The following DOCK4 variants were observed in gnomAD, a reference collection of about 807,000 sequenced individuals.
DOCK4 encodes the protein dedicator of cytokinesis 4.
In DOCK4, 97 loss-of-function variants were observed where a neutral mutation model predicts 268.1. The observed-to-expected ratio is 0.36, with a 90% CI of 0.31 to 0.43. DOCK4 has a LOEUF of 0.43. Ranked by LOEUF, DOCK4 falls within the 20% of genes least tolerant of loss-of-function variation. The pLI, the probability that DOCK4 is intolerant of heterozygous loss-of-function variation, is 1.00. For missense variants in DOCK4, 2,145 were observed against 2,455.7 expected, an observed-to-expected ratio of 0.87 and a Z score of 2.67; for synonymous variants, 954 against 887.2, an observed-to-expected ratio of 1.08 and a Z score of -1.34.
chr7:112,010,812 C>T (rs1220843927), intron 1 of DOCK4, among the ~76,000 whole-genome samples: 1 of 152,204 alleles, frequency 6.6e-6, no homozygotes, highest in Admixed American at 6.5e-5. Context: ...ATGAAAGGTA[C>T]GTAATTGTTT....
intron 1 of DOCK4, among the ~76,000 whole-genome samples, chr7:112,170,371 G>T (rs1014509761): frequency 6.6e-6 from 1 of 152,040 alleles, no homozygotes; most frequent in Non-Finnish European, 1.5e-5. Flanking sequence ...TGAGGTGGAA[G>T]GATCACTTGA....
intron 1 of DOCK4, among the ~76,000 whole-genome samples, chr7:112,137,249 T>C (rs1345057960): frequency 2.0e-5 from 3 of 152,204 alleles, no homozygotes; most frequent in Non-Finnish European, 2.9e-5. Flanking sequence ...TATTTCACCT[T>C]CTACTCAATT....
chr7:111,750,641 C>CA, intron 42 of DOCK4, among the ~76,000 whole-genome samples: 1 of 152,262 alleles, frequency 6.6e-6, no homozygotes, highest in South Asian at 2.1e-4. Flanking sequence ...TTTATCTGAG[C>CA]ATCCTGCCTG....
chr7:111,870,434 T>C (rs1275093400), intron 20 of DOCK4, among the ~76,000 whole-genome samples: 1 of 151,442 alleles, frequency 6.6e-6, no homozygotes, highest in African/African-American at 2.4e-5. Context: ...CAGATTCTTC[T>C]GCCTCAGCCT....
intron 49 of DOCK4, among the ~76,000 whole-genome samples, chr7:111,738,843 C>T (rs1260905731): frequency 1.3e-5 from 2 of 151,900 alleles, no homozygotes; most frequent in Non-Finnish European, 2.9e-5. Context: ...GAGGCTGAGA[C>T]AGGAGAATTG....
At chr7:111,947,597 C>T (rs1241909533) in intron 8 of DOCK4, among the ~76,000 whole-genome samples, 1 of 4,994 alleles carries the variant, frequency 2.0e-4, no homozygotes, top group Non-Finnish European at 2.8e-4. Context: ...GGAATGACAC[C>T]TATACTGAGG....
chr7:111,960,853 CAG>C (rs1212736046), intron 8 of DOCK4, among the ~76,000 whole-genome samples: 3 of 152,256 alleles, frequency 2.0e-5, no homozygotes, highest in East Asian at 1.9e-4. Flanking sequence ...TCCAAAATGA[CAG>C]AGTTTCCTTC....
chr7:111,854,696 G>C (rs937901284), intron 23 of DOCK4, among the ~76,000 whole-genome samples: 2 of 152,138 alleles, frequency 1.3e-5, no homozygotes, highest in South Asian at 4.1e-4. Context: ...AGTAGCTTTT[G>C]CTACTGTATC....
intron 1 of DOCK4, among the ~76,000 whole-genome samples, chr7:112,010,747 T>C (rs759974708): frequency 4.6e-5 from 7 of 152,224 alleles, no homozygotes; most frequent in Non-Finnish European, 1.0e-4. Flanking sequence ...CTTTGAGACA[T>C]GTCACGCAAC....
chr7:111,868,032 G>C lies in DOCK4; in HGVS notation c.2232C>G (p.Phe744Leu). 1.2e-6 allele frequency: 2 copies of C among 1,612,742 alleles called. No homozygotes were observed. Among genetic ancestry groups the C allele is most frequent in the Non-Finnish European group, 8.5e-7 (1 of 1,179,370 alleles). ...CIQELLMSVR[F>L]FLSQESKGSG... is the part of the protein sequence containing the mutation. ...ACCCTTTGCTCTCTTGCGAAAGAAA[G>C]AAACGGACTGACATGAGAAGCTCCT... Residue 744 changes from phenylalanine to leucine, a missense_variant, in exon 22 of 53, where the codon TTC becomes TTG. Phe to Leu is a conservative substitution (Grantham distance 22, BLOSUM62 0). Around this residue, in one of 2 missense-constraint regions of DOCK4, gnomAD observed 1,598 missense variants for 1,986.7 expected, o/e 0.80. Coordinates refer to ENST00000428084, the MANE Select transcript of DOCK4 (RefSeq NM_001363540.2).
At chr7:111,871,246 C>T (rs1013932695) in intron 20 of DOCK4, among the ~76,000 whole-genome samples, 3 of 152,152 alleles carry the variant, frequency 2.0e-5, no homozygotes, top group African/African-American at 7.2e-5. Context: ...CAGCAAGGAC[C>T]ATATTGGACT....
chr7:111,877,941 C>T (rs1020154199), intron 16 of DOCK4, among the ~76,000 whole-genome samples: 2 of 152,132 alleles, frequency 1.3e-5, no homozygotes, highest in South Asian at 2.1e-4. Context: ...GTGGGGGAAT[C>T]GAGCTGTCAT....
chr7:111,881,498 T>C (rs1230393397), intron 16 of DOCK4, among the ~76,000 whole-genome samples: 4 of 152,144 alleles, frequency 2.6e-5, no homozygotes, highest in Non-Finnish European at 5.9e-5. Context: ...GTATAACCAC[T>C]ATGGAGAAGA....
intron 47 of DOCK4, 89 bp downstream of exon 47, chr7:111,741,005 T>G: frequency 6.7e-7 from 1 of 1,497,650 alleles, no homozygotes; most frequent in Non-Finnish European, 9.1e-7. Flanking sequence ...CTTGTTGGTC[T>G]GTTCATCAGC....
chr7:111,976,161 A>AT lies in DOCK4; in HGVS notation c.701+970_701+971insA, dbSNP rs58020083. Among the ~76,000 whole-genome samples, 269 of 33,988 alleles carry AT rather than the reference A, an allele frequency of 7.9e-3. 40 individuals carry two copies. Among genetic ancestry groups the AT allele is most frequent in the Non-Finnish European group, 9.8e-3 (211 of 21,538 alleles). The allele number at this position is 33,988 out of a possible 152,430, so 22.3% of individuals were successfully genotyped here. ...ATCTCAAAAAAAAAAAAAAAAAAAA[A>AT]ATATATATATATATATACACACACA... On this transcript the variant is annotated intron_variant, in intron 8 of 52. Coordinates refer to ENST00000428084, the MANE Select transcript of DOCK4 (RefSeq NM_001363540.2).
intron 1 of DOCK4, among the ~76,000 whole-genome samples, chr7:112,116,083 C>A (rs919164065): frequency 6.6e-6 from 1 of 152,070 alleles, no homozygotes; most frequent in African/African-American, 2.4e-5. Context: ...GGTTGTGCAA[C>A]CATCCCCATC....
chr7:112,024,996 C>G (rs746072803), intron 1 of DOCK4, among the ~76,000 whole-genome samples: 9 of 152,088 alleles, frequency 5.9e-5, no homozygotes, highest in Non-Finnish European at 1.0e-4. Flanking sequence ...CACAAAATAA[C>G]CAAATTCCCA....
At chr7:111,760,115 T>C (rs1383876624) in intron 40 of DOCK4, 66 bp downstream of exon 40, 1 of 1,581,750 alleles carries the variant, frequency 6.3e-7, no homozygotes, top group South Asian at 1.1e-5. Flanking sequence ...CAACCTTGCA[T>C]GGAAATGCTC....
At chr7:112,070,087 T>G (rs1468995788) in intron 1 of DOCK4, among the ~76,000 whole-genome samples, 1 of 152,202 alleles carries the variant, frequency 6.6e-6, no homozygotes, top group Non-Finnish European at 1.5e-5. Context: ...AAGTTCATTT[T>G]AATGGCAGTG....
Sources: gnomAD v4.1 joint callset for allele counts (sites outside exome capture counted in the v4.1 genomes callset) on GRCh38, gnomAD v4.1.1 for gene constraint, gnomAD v4.1.1 regional missense constraint, MANE v1.5 for transcripts, NCBI Gene and HGNC (gene_info 2026-07-23, HGNC 2026-07-21) for gene names.